Variants in XPNPEP1 observed in about 807,000 individuals in gnomAD.
XPNPEP1 encodes the protein X-prolyl aminopeptidase 1.
A neutral mutation model predicts 92.4 loss-of-function variants in XPNPEP1; 39 were observed. The observed-to-expected ratio is 0.42, with a 90% CI of 0.33 to 0.55. XPNPEP1 has a LOEUF of 0.55. Among genes scored for constraint, XPNPEP1 ranks in the 20% least tolerant of loss-of-function variants. The pLI, the probability that XPNPEP1 is intolerant of heterozygous loss-of-function variation, is 0.08. For synonymous variants in XPNPEP1, 307 were observed against 299.4 expected, an observed-to-expected ratio of 1.03 and a Z score of -0.26; for missense variants, 654 against 856.1, an observed-to-expected ratio of 0.76 and a Z score of 2.95.
At chr10:109,880,697 C>T (rs1418347669) in intron 11 of XPNPEP1, 145 bp downstream of exon 11, 2 of 673,656 alleles carry the variant, frequency 3.0e-6, no homozygotes, top group African/African-American at 1.8e-5. Context: ...ATTTCATTCC[C>T]TCAATAACTC....
chr10:109,912,111 T>TC (rs1247559781), intron 2 of XPNPEP1, among the ~76,000 whole-genome samples: 2 of 152,054 alleles, frequency 1.3e-5, no homozygotes, highest in Non-Finnish European at 2.9e-5. Flanking sequence ...TCATCACGTT[T>TC]CCCCTGGTGA....
chr10:109,875,806 C>A, intron 14 of XPNPEP1: 1 of 480,398 alleles, frequency 2.1e-6, no homozygotes, highest in Non-Finnish European at 3.7e-6. Context: ...ATCTCCCCAG[C>A]TGAGATAAAG....
chr10:109,869,865 C>T (rs183425693), intron 19 of XPNPEP1, 88 bp downstream of exon 19: 6 of 1,334,046 alleles, frequency 4.5e-6, no homozygotes, highest in Non-Finnish European at 6.4e-6. Context: ...TTAAGCTTTG[C>T]GCAGTGGCAG....
intron 2 of XPNPEP1, among the ~76,000 whole-genome samples, chr10:109,913,474 G>C (rs1383792508): frequency 6.6e-6 from 1 of 152,234 alleles, no homozygotes; most frequent in African/African-American, 2.4e-5. Flanking sequence ...TAGCTTTAGA[G>C]GTAGTGGTTT....
At position 109,873,405 on chromosome 10, in the gene XPNPEP1, G is replaced by A. The variant is rs770850632; in HGVS notation, c.1414C>T (p.Arg472Trp). 3.7e-6 allele frequency: 6 copies of A among 1,614,046 alleles called. No individual in the cohort carries two copies. The highest frequency in any genetic ancestry group is 2.2e-5 in the South Asian group (2 of 91,082). ...QYKDGTTDVT[R>W]TMHFGTPTAY... ...GTAGGGGTCCCAAAATGCATTGTCC[G>A]CGTCACATCTGTGGTGCCATCCCTT... The change falls in exon 16 of 21, where the codon CGG becomes TGG. Residue 472 changes from arginine (R) to tryptophan (W), a missense_variant. Physicochemically the swap from Arg to Trp is moderately radical, Grantham distance 101. Transcript: ENST00000502935.
At chr10:109,922,647 G>C (rs1170257522) in intron 1 of XPNPEP1, among the ~76,000 whole-genome samples, 1 of 152,216 alleles carries the variant, frequency 6.6e-6, no homozygotes. Context: ...TGACCCCTTG[G>C]GGATGGCCAG....
At chr10:109,901,524 G>T (rs548604328) in intron 3 of XPNPEP1, among the ~76,000 whole-genome samples, 3 of 152,206 alleles carry the variant, frequency 2.0e-5, no homozygotes, top group African/African-American at 7.2e-5. Flanking sequence ...AGACTTCCCT[G>T]ATCCTGCCAG....
intron 3 of XPNPEP1, among the ~76,000 whole-genome samples, chr10:109,904,149 G>A (rs1057017168): frequency 4.6e-5 from 7 of 150,838 alleles, no homozygotes; most frequent in African/African-American, 1.7e-4. Context: ...CCAGCCTGAA[G>A]TTGACCAATC....
At chr10:109,884,325 C>T (rs1848272171) in intron 8 of XPNPEP1, 177 bp from the exon 9 acceptor site, 1 of 596,834 alleles carries the variant, frequency 1.7e-6, no homozygotes, top group Non-Finnish European at 3.0e-6. Flanking sequence ...GCTGCAATTG[C>T]TCATGTCCAC....
chr10:109,876,556 A>C (rs1277034013), intron 14 of XPNPEP1: 1 of 152,270 alleles, frequency 6.6e-6, no homozygotes, highest in African/African-American at 2.4e-5. Context: ...ATCCTGAGTT[A>C]AACAAAAACT....
chr10:109,904,083 G>A (rs1046754786), intron 3 of XPNPEP1, among the ~76,000 whole-genome samples: 4 of 151,338 alleles, frequency 2.6e-5, no homozygotes, highest in Non-Finnish European at 4.4e-5. Context: ...GACCTCAGGT[G>A]ATCCACCTGC....
chr10:109,915,119 G>A lies in XPNPEP1; in HGVS notation c.33-20C>T. 6.8e-7 allele frequency: 1 copy of A among 1,463,222 alleles called. No individual in the cohort carries two copies. 90.6% of individuals were successfully genotyped at this position (1,463,222 alleles called of 1,614,324 possible). ...TTCACCCTTAAGGAGAGAAAGAACA[G>A]GAAGTTGCAGACTTTGACCACAATA... On this transcript the variant is annotated intron_variant, in intron 1 of 20. Coordinates refer to ENST00000502935, the MANE Select transcript of XPNPEP1 (RefSeq NM_020383.4).
At chr10:109,884,008 G>T in intron 9 of XPNPEP1, 59 bp downstream of exon 9, 1 of 1,508,654 alleles carries the variant, frequency 6.6e-7, no homozygotes, top group Non-Finnish European at 9.1e-7. Flanking sequence ...ACCAGAAAGG[G>T]CACACTAGGG....
intron 15 of XPNPEP1, among the ~76,000 whole-genome samples, 162 bp downstream of exon 15, chr10:109,875,366 C>T (rs1298083078): frequency 6.6e-6 from 1 of 152,136 alleles, no homozygotes; most frequent in Non-Finnish European, 1.5e-5. Context: ...TGGGCTATTT[C>T]AAATAGGGGT....
At chr10:109,873,723 C>A in intron 15 of XPNPEP1, 1 of 428,196 alleles carries the variant, frequency 2.3e-6, no homozygotes, top group Non-Finnish European at 4.3e-6. Context: ...AAGATGGAAA[C>A]AGCTGAAATG....
chr10:109,871,748 A>G, intron 17 of XPNPEP1, 44 bp downstream of exon 17: 1 of 1,595,546 alleles, frequency 6.3e-7, no homozygotes, highest in Non-Finnish European at 8.6e-7. Context: ...TTTGATTCTC[A>G]AACAAGAAAA....
chr10:109,906,575 C>T (rs1849570737), intron 3 of XPNPEP1, among the ~76,000 whole-genome samples: 1 of 152,166 alleles, frequency 6.6e-6, no homozygotes, highest in Non-Finnish European at 1.5e-5. Context: ...TGGCTCTGCC[C>T]TTGAATCCTT....
chr10:109,869,873 C>A, intron 19 of XPNPEP1, 80 bp downstream of exon 19: 1 of 1,389,838 alleles, frequency 7.2e-7, no homozygotes, highest in African/African-American at 1.4e-5. Flanking sequence ...TGCGCAGTGG[C>A]AGTATTGTAG....
chr10:109,923,171 C>T (rs1293197658), intron 1 of XPNPEP1: 19 of 985,172 alleles, frequency 1.9e-5, no homozygotes, highest in East Asian at 2.3e-4. Flanking sequence ...GAACCAGACT[C>T]GGGCCGCCCC....
Sources: gnomAD v4.1 joint callset for allele counts (sites outside exome capture counted in the v4.1 genomes callset) on GRCh38, gnomAD v4.1.1 for gene constraint, MANE v1.5 for transcripts, NCBI Gene and HGNC (gene_info 2026-07-23, HGNC 2026-07-21) for gene names.